HS1BP3: variants seen among roughly 807,000 people sequenced by gnomAD.
HS1BP3 encodes the protein HCLS1 binding protein 3.
A neutral mutation model predicts 33.5 loss-of-function variants in HS1BP3; 32 were observed. That is an observed-to-expected ratio of 0.95 (90% CI 0.72 to 1.28). HS1BP3 has a LOEUF of 1.28. Among genes scored for constraint, HS1BP3 ranks in the 50% most tolerant of loss-of-function variants. The pLI, the probability that HS1BP3 is intolerant of heterozygous loss-of-function variation, is 0.00. For synonymous variants in HS1BP3, 187 were observed against 209.2 expected, an observed-to-expected ratio of 0.89 and a Z score of 0.92; for missense variants, 486 against 502.3, an observed-to-expected ratio of 0.97 and a Z score of 0.31.
intron 1 of HS1BP3, among the ~76,000 whole-genome samples, chr2:20,648,169 G>A (rs773822198): frequency 7.9e-5 from 12 of 152,140 alleles, no homozygotes; most frequent in African/African-American, 1.7e-4. Flanking sequence ...ACTGGCCCAC[G>A]CTTATTAGCA....
At chr2:20,560,670 A>G (rs1692969964) in intron 5 of HS1BP3, among the ~76,000 whole-genome samples, 1 of 152,160 alleles carries the variant, frequency 6.6e-6, no homozygotes, top group Non-Finnish European at 1.5e-5. Flanking sequence ...ACTGAGGCCC[A>G]GAGAGAAGGG....
At chr2:20,602,053 A>T (rs1378165751) in intron 2 of HS1BP3, among the ~76,000 whole-genome samples, 1 of 151,352 alleles carries the variant, frequency 6.6e-6, no homozygotes, top group East Asian at 2.0e-4. Flanking sequence ...GAAGACAGAA[A>T]GATGTGGGTT....
At chr2:20,554,870 A>T in the HS1BP3 span, among the ~76,000 whole-genome samples, 1 of 151,734 alleles carries the variant, frequency 6.6e-6, no homozygotes, top group Non-Finnish European at 1.5e-5. Context: ...CCTTGCATCC[A>T]CCCCCTACTT....
At chr2:20,628,356 G>T (rs1293212816) in intron 4 of HS1BP3, among the ~76,000 whole-genome samples, 1 of 152,176 alleles carries the variant, frequency 6.6e-6, no homozygotes, top group Admixed American at 6.5e-5. Flanking sequence ...TTCGGAGGCT[G>T]AGGTGGGTGA....
chr2:20,576,213 T>A (rs1047627203), intron 5 of HS1BP3, among the ~76,000 whole-genome samples: 1 of 152,166 alleles, frequency 6.6e-6, no homozygotes, highest in Non-Finnish European at 1.5e-5. Context: ...ACTCCTAGGC[T>A]CAAGTGATCC....
downstream of HS1BP3, among the ~76,000 whole-genome samples, chr2:20,591,444 C>T (rs1017576469): frequency 1.7e-4 from 26 of 152,204 alleles, no homozygotes; most frequent in Non-Finnish European, 3.4e-4. Context: ...CACAAGCACT[C>T]GGATTCTGGG....
chr2:20,556,712 A>T (rs959090286), downstream of HS1BP3, among the ~76,000 whole-genome samples: 22 of 152,212 alleles, frequency 1.4e-4, no homozygotes, highest in African/African-American at 5.1e-4. Flanking sequence ...TGCACACGCC[A>T]TCAGCTTCTC....
chr2:20,640,182 G>A (rs951732961), intron 3 of HS1BP3: 1 of 152,322 alleles, frequency 6.6e-6, no homozygotes, highest in African/African-American at 2.4e-5. Flanking sequence ...CACCAGCAGT[G>A]GTGAGAACCT....
intron 1 of HS1BP3, 28 bp from the exon 2 acceptor site, chr2:20,645,533 G>GT: frequency 6.3e-7 from 1 of 1,598,490 alleles, no homozygotes; most frequent in Non-Finnish European, 8.5e-7. Flanking sequence ...GGCAGGTGGG[G>GT]TTCAGGGTCA....
rs1020902479 is a variant in HS1BP3, at chr2:20,561,271, G to T, written c.303-756C>A. Among the ~76,000 whole-genome samples, 3 of 152,316 alleles carry T rather than the reference G, an allele frequency of 2.0e-5. No homozygotes were observed. In the South Asian group the frequency reaches 6.2e-4, roughly 32 times the overall value. ...GCACATGGGATCCCTTTCTCCCACT[G>T]CATGCAGAGCCCTGAGGGTAGGCAC... On this transcript the variant is annotated intron_variant, in intron 5 of 5. Coordinates refer to the HS1BP3 transcript ENST00000446825.
chr2:20,584,013 T>C (rs1175829267), intron 5 of HS1BP3, among the ~76,000 whole-genome samples: 1 of 152,242 alleles, frequency 6.6e-6, no homozygotes, highest in African/African-American at 2.4e-5. Flanking sequence ...ATTAGTGTTT[T>C]GACCCTCCAG....
chr2:20,575,471 T>C (rs1178594443), intron 5 of HS1BP3, among the ~76,000 whole-genome samples: 1 of 152,254 alleles, frequency 6.6e-6, no homozygotes, highest in African/African-American at 2.4e-5. Context: ...TCCAAGACCC[T>C]GTTTGGTCTC....
At chr2:20,632,895 TAAC>T (rs937879213) in intron 4 of HS1BP3, among the ~76,000 whole-genome samples, 2 of 152,254 alleles carry the variant, frequency 1.3e-5, no homozygotes, top group African/African-American at 4.8e-5. Context: ...GATATTTGCA[TAAC>T]AACTATAGGA....
At chr2:20,580,586 G>C (rs1334814483) in intron 5 of HS1BP3, among the ~76,000 whole-genome samples, 2 of 152,048 alleles carry the variant, frequency 1.3e-5, no homozygotes, top group Non-Finnish European at 2.9e-5. Flanking sequence ...TTGTTAAAAG[G>C]AATCAAAGGT....
At chr2:20,582,307 C>T (rs1693553086) in intron 5 of HS1BP3, among the ~76,000 whole-genome samples, 1 of 152,138 alleles carries the variant, frequency 6.6e-6, no homozygotes, top group South Asian at 2.1e-4. Flanking sequence ...CACAGCCTTC[C>T]AGGGCTCACA....
downstream of HS1BP3, among the ~76,000 whole-genome samples, chr2:20,616,225 G>T (rs770669750): frequency 6.6e-6 from 1 of 152,232 alleles, no homozygotes; most frequent in African/African-American, 2.4e-5. Flanking sequence ...CAGGAGCCAG[G>T]ACTCCAGCTC....
chr2:20,557,359 T>C (rs1323932707), downstream of HS1BP3, among the ~76,000 whole-genome samples: 1 of 152,262 alleles, frequency 6.6e-6, no homozygotes, highest in Non-Finnish European at 1.5e-5. Context: ...TCTAGGACTC[T>C]GAATGATGAC....
intron 2 of HS1BP3, among the ~76,000 whole-genome samples, chr2:20,610,627 C>A (rs1456402866): frequency 1.3e-5 from 2 of 152,200 alleles, no homozygotes; most frequent in Non-Finnish European, 2.9e-5. Context: ...CATTCACCTA[C>A]CAAAGGACAT....
chr2:20,594,693 A>G (rs1693905054), intron 3 of HS1BP3, among the ~76,000 whole-genome samples: 1 of 152,170 alleles, frequency 6.6e-6, no homozygotes, highest in Non-Finnish European at 1.5e-5. Flanking sequence ...TGCTACAACA[A>G]AATACCGTGG....
Sources: gnomAD v4.1 joint callset for allele counts (sites outside exome capture counted in the v4.1 genomes callset) on GRCh38, gnomAD v4.1.1 for gene constraint, MANE v1.5 for transcripts, NCBI Gene and HGNC (gene_info 2026-07-23, HGNC 2026-07-21) for gene names.